Variants in ANO4 observed in about 807,000 individuals in gnomAD.
ANO4 encodes anoctamin-4.
In ANO4, 69 loss-of-function variants were observed where a neutral mutation model predicts 141.9. The ratio of observed to expected loss-of-function variants is 0.49; its 90% CI spans 0.40 to 0.59. The LOEUF (loss-of-function observed/expected upper bound fraction) is 0.59, where lower values mean the gene tolerates loss of function less well. Ranked by LOEUF, ANO4 falls within the 20% of genes least tolerant of loss-of-function variation. ANO4 has a pLI of 0.00. For synonymous variants in ANO4, 350 were observed against 394.3 expected (o/e 0.89, Z 1.33); for missense variants, 894 against 1,162.2 (o/e 0.77, Z 3.36).
intron 6 of ANO4, among the ~76,000 whole-genome samples, chr12:100,974,403 A>G (rs1453926761): frequency 6.6e-6 from 1 of 151,878 alleles, no homozygotes; most frequent in Non-Finnish European, 1.5e-5. Flanking sequence ...ACCATGAGAG[A>G]CGTGTCTTGT....
At chr12:100,863,641 A>G (rs1293361930) in intron 1 of ANO4, among the ~76,000 whole-genome samples, 3 of 151,944 alleles carry the variant, frequency 2.0e-5, no homozygotes, top group African/African-American at 4.8e-5. Flanking sequence ...TGTATTATAT[A>G]TTCATTATGT....
intron 1 of ANO4, among the ~76,000 whole-genome samples, chr12:100,831,862 T>C (rs1262786704): frequency 1.3e-5 from 2 of 152,092 alleles, no homozygotes; most frequent in Non-Finnish European, 2.9e-5. Flanking sequence ...TGGGACTAGA[T>C]GATTTCTAAA....
At chr12:100,862,765 A>G (rs1410058967) in intron 1 of ANO4, among the ~76,000 whole-genome samples, 1 of 152,218 alleles carries the variant, frequency 6.6e-6, no homozygotes, top group East Asian at 1.9e-4. Context: ...TATAATGGCT[A>G]TGACATCACT....
At chr12:100,933,459 T>A (rs2042163155) in intron 3 of ANO4, among the ~76,000 whole-genome samples, 1 of 152,252 alleles carries the variant, frequency 6.6e-6, no homozygotes, top group South Asian at 2.1e-4. Flanking sequence ...TCATCCTTTT[T>A]TATGGCTGCA....
intron 14 of ANO4, among the ~76,000 whole-genome samples, chr12:101,072,297 CAT>C (rs1290807893): frequency 6.6e-6 from 1 of 152,138 alleles, no homozygotes; most frequent in Non-Finnish European, 1.5e-5. Flanking sequence ...CCAAAAATGA[CAT>C]ATATCACTTC....
intron 1 of ANO4, among the ~76,000 whole-genome samples, chr12:100,843,253 A>G (rs748821679): frequency 5.3e-5 from 8 of 152,210 alleles, no homozygotes; most frequent in Non-Finnish European, 1.2e-4. Context: ...AGTGGTTACC[A>G]TAATCATTAT....
chr12:101,008,410 A>G (rs964852643), intron 8 of ANO4, among the ~76,000 whole-genome samples: 2 of 152,134 alleles, frequency 1.3e-5, no homozygotes, highest in African/African-American at 4.8e-5. Flanking sequence ...GTTATAGCAG[A>G]ATCTATTACT....
At chr12:101,040,132 T>A (rs780780137) in intron 11 of ANO4, 56 bp downstream of exon 11, 195 of 1,523,098 alleles carry the variant, frequency 1.3e-4, no homozygotes, top group Non-Finnish European at 1.5e-4. Context: ...TAGGGCAGAC[T>A]GTCAGCTGGG....
intron 9 of ANO4, among the ~76,000 whole-genome samples, chr12:101,030,831 C>A (rs1478946413): frequency 1.3e-5 from 2 of 152,170 alleles, no homozygotes; most frequent in African/African-American, 4.8e-5. Flanking sequence ...ACTAGAAAAT[C>A]TAGAAGAAAT....
chr12:101,110,679 G>A, intron 23 of ANO4, 123 bp downstream of exon 23: 1 of 868,566 alleles, frequency 1.2e-6, no homozygotes, highest in Middle Eastern at 3.9e-4. Context: ...CCTAATTTTT[G>A]CAAAGAATAA....
At chr12:100,921,263 G>A (rs2041619422) in intron 2 of ANO4, among the ~76,000 whole-genome samples, 1 of 151,996 alleles carries the variant, frequency 6.6e-6, no homozygotes, top group Admixed American at 6.6e-5. Context: ...TTACCTTCAG[G>A]TGTTTTACTC....
chr12:101,083,887 T>C (rs1253739969), intron 16 of ANO4, 69 bp downstream of exon 16: 25 of 1,351,900 alleles, frequency 1.8e-5, no homozygotes, highest in Non-Finnish European at 2.4e-5. Context: ...AGTAATCATA[T>C]TGGGCATTTG....
chr12:101,066,558 G>T (rs2048596542), intron 14 of ANO4, among the ~76,000 whole-genome samples: 1 of 152,314 alleles, frequency 6.6e-6, no homozygotes, highest in Admixed American at 6.5e-5. Context: ...AGAAGCAAAA[G>T]ATCTCCACAA....
chr12:101,066,492 AAG>A (rs1566199127), intron 14 of ANO4, among the ~76,000 whole-genome samples: 1 of 152,230 alleles, frequency 6.6e-6, no homozygotes, highest in African/African-American at 2.4e-5. Context: ...GAAGTCAAGA[AAG>A]TAATCCCATT....
intron 1 of ANO4, among the ~76,000 whole-genome samples, chr12:100,721,625 A>G (rs2030870508): frequency 6.6e-6 from 1 of 152,130 alleles, no homozygotes; most frequent in African/African-American, 2.4e-5. Context: ...GGAATCCTGG[A>G]AGTCATTGTG....
chr12:101,076,547 GA>G (rs1490365563), intron 14 of ANO4, among the ~76,000 whole-genome samples: 1 of 152,178 alleles, frequency 6.6e-6, no homozygotes. Context: ...AAGGGTGATG[GA>G]ATAATTGTGA....
chr12:100,798,537 A>G (rs1230204083), intron 1 of ANO4, among the ~76,000 whole-genome samples: 1 of 152,204 alleles, frequency 6.6e-6, no homozygotes, highest in African/African-American at 2.4e-5. Flanking sequence ...GTGCCTCCCT[A>G]CTAAATTCAT....
chr12:100,753,635 A>G (rs1005953365), intron 3 of ANO4, among the ~76,000 whole-genome samples: 1 of 152,180 alleles, frequency 6.6e-6, no homozygotes, highest in Non-Finnish European at 1.5e-5. Flanking sequence ...CAAAATTTAT[A>G]TTAAGCCATA....
chr12:101,103,547 T>C (rs985399841), intron 22 of ANO4, among the ~76,000 whole-genome samples: 5 of 151,854 alleles, frequency 3.3e-5, no homozygotes, highest in South Asian at 4.1e-4. Flanking sequence ...TTATTTTTTG[T>C]TGTTAAAAAG....
Sources: allele counts gnomAD v4.1 joint callset (sites outside exome capture counted in the v4.1 genomes callset), GRCh38; gene constraint gnomAD v4.1.1; transcripts MANE v1.5; gene names NCBI Gene and HGNC (gene_info 2026-07-23, HGNC 2026-07-21).